PATJ: variants seen among roughly 807,000 people sequenced by gnomAD.
The protein encoded by PATJ is inaD-like protein.
A neutral mutation model predicts 224.9 loss-of-function variants in PATJ; 190 were observed. The observed-to-expected ratio is 0.84, with a 90% CI of 0.75 to 0.95. The LOEUF (loss-of-function observed/expected upper bound fraction) is 0.95. Among genes scored for constraint, PATJ ranks in the 40% least tolerant of loss-of-function variants. The pLI is 0.00. For synonymous variants in PATJ, 769 were observed against 820.3 expected (o/e 0.94, Z 1.07); for missense variants, 2,121 against 2,270.3 (o/e 0.93, Z 1.34).
chr1:61,875,423 TTTATGTTTGTATACATGAATTTC>T, intron 21 of PATJ, 57 bp downstream of exon 21: 2 of 1,429,070 alleles, frequency 1.4e-6, no homozygotes, highest in Non-Finnish European at 1.9e-6. Context: ...AGCTTTCAGT[TTTATGTTTGTATACATGAATTTC>T]ACCGTCATAT....
At chr1:62,010,076 C>G (rs1386430189) in intron 28 of PATJ, among the ~76,000 whole-genome samples, 3 of 101,286 alleles carry the variant, frequency 3.0e-5, no homozygotes, top group African/African-American at 3.1e-5. Context: ...GAGACTCCAT[C>G]TCAAAAAAAA....
At chr1:62,090,891 A>G (rs1558154713) in intron 33 of PATJ, among the ~76,000 whole-genome samples, 1 of 152,146 alleles carries the variant, frequency 6.6e-6, no homozygotes, top group East Asian at 1.9e-4. Flanking sequence ...TATCAGCAAT[A>G]CCCTCAGAAG....
intron 27 of PATJ, among the ~76,000 whole-genome samples, chr1:61,930,714 T>C (rs1675900556): frequency 6.6e-6 from 1 of 152,128 alleles, no homozygotes; most frequent in Admixed American, 6.5e-5. Flanking sequence ...CTAATTTTTT[T>C]TTCTTTTTTT....
chr1:61,779,059 A>ATAT (rs71050154), intron 7 of PATJ, among the ~76,000 whole-genome samples: 145,102 of 152,044 alleles, frequency 0.95, 69,606 homozygotes, highest in Middle Eastern at 1. Context: ...ATATACATAA[A>ATAT]TGATAAAAAT....
intron 27 of PATJ, among the ~76,000 whole-genome samples, chr1:61,985,808 C>A (rs909849888): frequency 1.3e-5 from 2 of 152,020 alleles, no homozygotes; most frequent in African/African-American, 4.8e-5. Flanking sequence ...GGGAAAACTT[C>A]TTTCTTCCTT....
Position 62,084,537 on chromosome 1 carries a change from A to T in PATJ, c.4266A>T (p.Ser1422=). 1 of 1,611,600 alleles carries T rather than the reference A, an allele frequency of 6.2e-7. No individual in the cohort carries two copies. The change falls in exon 33 of 44, where the codon TCA becomes TCT. Residue 1422 remains serine, a synonymous_variant. Coordinates refer to ENST00000642238, the MANE Select transcript of PATJ (RefSeq NM_001350145.3). The part of the protein sequence containing the change: ...TGYGGFQAPL[S]VDPATCPIVP... ...CAGGTGGTTTCCAGGCTCCTCTGTC[A>T]GTGGACCCCGCAACGTGTCCCATTG...
chr1:62,079,354 T>C (rs1658874181), intron 31 of PATJ, 96 bp from the exon 32 acceptor site: 1 of 746,234 alleles, frequency 1.3e-6, no homozygotes, highest in Admixed American at 2.0e-5. Context: ...ATCATTGGAC[T>C]GCACCATTGT....
intron 27 of PATJ, among the ~76,000 whole-genome samples, chr1:61,943,247 A>G (rs1202663171): frequency 1.3e-5 from 2 of 152,144 alleles, no homozygotes; most frequent in Non-Finnish European, 2.9e-5. Context: ...GGTTCATCTC[A>G]CAGGGGCTTG....
chr1:61,913,519 T>C (rs1174403293), intron 25 of PATJ, among the ~76,000 whole-genome samples: 1 of 152,230 alleles, frequency 6.6e-6, no homozygotes, highest in Non-Finnish European at 1.5e-5. Flanking sequence ...ATTTTTTTCT[T>C]TTAATCTTCA....
chr1:62,017,816 G>C, intron 28 of PATJ, 40 bp from the exon 29 acceptor site: 1 of 972,384 alleles, frequency 1.0e-6, no homozygotes, highest in South Asian at 1.3e-5. Flanking sequence ...TATACTTGTA[G>C]ACATGTATAA....
intron 30 of PATJ, among the ~76,000 whole-genome samples, chr1:62,044,391 A>T (rs1469250044): frequency 6.6e-6 from 1 of 152,212 alleles, no homozygotes; most frequent in Non-Finnish European, 1.5e-5. Flanking sequence ...TGTTGAAGGC[A>T]TTTTGAACAA....
chr1:62,110,782 C>T (rs1663705510), intron 34 of PATJ, among the ~76,000 whole-genome samples: 1 of 152,166 alleles, frequency 6.6e-6, no homozygotes, highest in South Asian at 2.1e-4. Context: ...CACCCACTTC[C>T]CCACATGGCC....
chr1:61,998,285 TG>T (rs1209126644), intron 28 of PATJ, among the ~76,000 whole-genome samples: 1 of 151,674 alleles, frequency 6.6e-6, no homozygotes, highest in Non-Finnish European at 1.5e-5. Flanking sequence ...GGTTTCACCA[TG>T]TTGGCCAGGC....
chr1:61,929,637 G>A (rs1675722851), intron 27 of PATJ, among the ~76,000 whole-genome samples: 1 of 152,216 alleles, frequency 6.6e-6, no homozygotes, highest in South Asian at 2.1e-4. Flanking sequence ...CTAACAAATA[G>A]TAGAAATGGG....
In PATJ at chr1:62,162,829, C is replaced by G. The variant is rs888598737; in HGVS notation, c.*1775C>G. Reference sequence around the variant, plus strand: ...GGGTGCAGTGGCAGGCGCCTGTAATCCCAGCTACTCCGGAGGTTGAAGCAG... The same window carrying G: ...GGGTGCAGTGGCAGGCGCCTGTAATGCCAGCTACTCCGGAGGTTGAAGCAG... On this transcript the variant is annotated 3_prime_UTR_variant, in exon 44 of 44. Transcript: ENST00000642238. 6.4e-6 allele frequency: 1 copy of G among 157,002 alleles called. No individual in the cohort carries two copies. 9.7% of individuals were successfully genotyped at this position (157,002 alleles called of 1,614,324 possible).
chr1:61,963,056 CAT>C (rs992912005), intron 27 of PATJ, among the ~76,000 whole-genome samples: 6 of 152,170 alleles, frequency 3.9e-5, no homozygotes, highest in African/African-American at 1.4e-4. Flanking sequence ...TCTGTACAGA[CAT>C]ATGCCCAGCT....
At chr1:61,743,327 C>T (rs1644859137) in intron 1 of PATJ, among the ~76,000 whole-genome samples, 1 of 152,220 alleles carries the variant, frequency 6.6e-6, no homozygotes, top group Admixed American at 6.5e-5. Flanking sequence ...CCGTCCCGCA[C>T]GCAGGCCGAA....
At chr1:61,852,119 TAA>T (rs3030913) in intron 17 of PATJ, among the ~76,000 whole-genome samples, 369 of 108,902 alleles carry the variant, frequency 3.4e-3, no homozygotes, top group Non-Finnish European at 4.4e-3. Flanking sequence ...GATTCTGTCT[TAA>T]AAAAAAAAAA....
At chr1:61,962,500 C>G (rs1162370023) in intron 27 of PATJ, among the ~76,000 whole-genome samples, 1 of 152,080 alleles carries the variant, frequency 6.6e-6, no homozygotes, top group African/African-American at 2.4e-5. Context: ...AGATATAAGG[C>G]AAATCAATCT....
Sources: allele counts gnomAD v4.1 joint callset (sites outside exome capture counted in the v4.1 genomes callset), GRCh38; gene constraint gnomAD v4.1.1; transcripts MANE v1.5; gene names NCBI Gene and HGNC (gene_info 2026-07-23, HGNC 2026-07-21).